The following ITGA8 variants were observed in gnomAD, a reference collection of about 807,000 sequenced individuals.
ITGA8 encodes the protein integrin alpha-8.
Under a neutral mutation model 142.3 loss-of-function variants are expected in ITGA8, and 91 were observed. That is an observed-to-expected ratio of 0.64 (90% CI 0.54 to 0.76). The LOEUF (loss-of-function observed/expected upper bound fraction) is 0.76, where lower values mean the gene tolerates loss of function less well. Among genes scored for constraint, ITGA8 ranks in the 30% least tolerant of loss-of-function variants. ITGA8 has a pLI of 0.00. For synonymous variants in ITGA8, 505 were observed against 485.2 expected (o/e 1.04, Z -0.54); for missense variants, 1,406 against 1,327.7 (o/e 1.06, Z -0.92).
At chr10:15,584,227 G>A (rs542327723) in intron 23 of ITGA8, among the ~76,000 whole-genome samples, 1 of 152,254 alleles carries the variant, frequency 6.6e-6, no homozygotes, top group Admixed American at 6.5e-5. Flanking sequence ...AACCCTGGAG[G>A]GAGAGGTTGC....
At chr10:15,584,760 T>C (rs746030266) in intron 23 of ITGA8, among the ~76,000 whole-genome samples, 20 of 152,192 alleles carry the variant, frequency 1.3e-4, no homozygotes, top group Non-Finnish European at 2.5e-4. Flanking sequence ...AAATAAATTA[T>C]GGTATATTTT....
intron 25 of ITGA8, among the ~76,000 whole-genome samples, chr10:15,559,672 G>T (rs1833941272): frequency 6.6e-6 from 1 of 152,106 alleles, no homozygotes; most frequent in Admixed American, 6.5e-5. Context: ...GTCCTTTGTA[G>T]GGACGTGGAT....
In ITGA8 at chr10:15,643,865, T is replaced by C. The variant is rs542562010; in HGVS notation, c.1399+165A>G. Among the ~76,000 whole-genome samples the C allele has an allele frequency of 2.6e-5, 4 of 152,320 alleles. No individual in the cohort carries two copies. The South Asian group carries it at 8.3e-4, about 32-fold the overall frequency. On this transcript the variant is annotated intron_variant, in intron 13 of 29. Coordinates refer to ENST00000378076, the MANE Select transcript of ITGA8 (RefSeq NM_003638.3). ...AAGCGTGTGTTTGTCTTTCTTCAAG[T>C]TCTCATGAAAGTCGCTCTGGAATCG... is the stretch of plus-strand genomic sequence containing the variant.
At chr10:15,534,453 C>T (rs1420150629) in intron 27 of ITGA8, among the ~76,000 whole-genome samples, 3 of 152,182 alleles carry the variant, frequency 2.0e-5, no homozygotes, top group Admixed American at 6.5e-5. Context: ...GAACCTAGAA[C>T]AATGTGCACA....
intron 15 of ITGA8, among the ~76,000 whole-genome samples, chr10:15,611,700 C>T (rs543391614): frequency 5.3e-5 from 8 of 151,718 alleles, no homozygotes; most frequent in South Asian, 4.2e-4. Context: ...ACCATGGTCT[C>T]GATCTCCTGA....
intron 8 of ITGA8, among the ~76,000 whole-genome samples, chr10:15,664,197 A>G (rs1834342630): frequency 6.6e-6 from 1 of 152,214 alleles, no homozygotes; most frequent in Admixed American, 6.5e-5. Context: ...TAACTTGTCC[A>G]AGGTCACAGA....
intron 20 of ITGA8, among the ~76,000 whole-genome samples, chr10:15,603,909 G>T (rs1833147237): frequency 6.6e-6 from 1 of 152,142 alleles, no homozygotes; most frequent in Non-Finnish European, 1.5e-5. Context: ...GTTAGCTTGG[G>T]AGTTTAGCTT....
chr10:15,517,032 AGGGTCCCCTCC>A lies in ITGA8; in HGVS notation c.*115_*125del. On this transcript the variant is annotated 3_prime_UTR_variant, in exon 30 of 30. Transcript: ENST00000378076. ...GCGGTGTAGATGAGGTGATGTTTCC[AGGGTCCCCTCC>A]ATTTCCTGGGTCACTGTCAGGTATC... is the stretch of plus-strand genomic sequence containing the variant. The A allele has an allele frequency of 2.0e-6, 1 of 493,418 alleles. No individual in the cohort carries two copies. The highest frequency in any genetic ancestry group is 3.3e-6 in the Non-Finnish European group (1 of 298,702). 30.6% of individuals were successfully genotyped at this position (493,418 alleles called of 1,614,324 possible). A position where few individuals can be genotyped will look rare whatever the true frequency, so the allele number is the denominator to read the frequency against.
At chr10:15,601,751 C>T (rs185429975) in intron 20 of ITGA8, among the ~76,000 whole-genome samples, 4 of 152,122 alleles carry the variant, frequency 2.6e-5, no homozygotes, top group African/African-American at 9.6e-5. Flanking sequence ...TCTAAAAAGA[C>T]GAATGTTTTC....
At chr10:15,553,791 A>G (rs1436229652) in intron 26 of ITGA8, among the ~76,000 whole-genome samples, 1 of 152,194 alleles carries the variant, frequency 6.6e-6, no homozygotes, top group Non-Finnish European at 1.5e-5. Context: ...AGCTGAGGTC[A>G]GGAGTTTGAG....
chr10:15,521,737 C>G (rs1833075328), intron 28 of ITGA8, among the ~76,000 whole-genome samples: 1 of 152,222 alleles, frequency 6.6e-6, no homozygotes, highest in African/African-American at 2.4e-5. Flanking sequence ...ACTCTGCGCA[C>G]CACTGTTTAA....
At chr10:15,686,231 T>G (rs1218786119) in intron 3 of ITGA8, among the ~76,000 whole-genome samples, 1 of 152,228 alleles carries the variant, frequency 6.6e-6, no homozygotes, top group Non-Finnish European at 1.5e-5. Flanking sequence ...TAGTCTCAAA[T>G]AAATTACCCT....
In ITGA8 at chr10:15,515,393, G is replaced by A. The variant is rs1274358176; in HGVS notation, c.*1765C>T. ...GAACTGCACCAGCGTGCTCGTCCAT[G>A]TGCCTTTCATTTGCTCCTCAATGAA... On this transcript the variant is annotated 3_prime_UTR_variant, in exon 30 of 30. Coordinates refer to ENST00000378076, the MANE Select transcript of ITGA8 (RefSeq NM_003638.3). 2.0e-5 allele frequency: 3 copies of A among 152,212 alleles called. No homozygotes were observed. The highest frequency in any genetic ancestry group is 1.3e-4 in the Admixed American group (2 of 15,284). 9.4% of individuals were successfully genotyped at this position (152,212 alleles called of 1,614,324 possible). A position where few individuals can be genotyped will look rare whatever the true frequency, so the allele number is the denominator to read the frequency against.
chr10:15,683,680 G>C (rs983382137), intron 4 of ITGA8, among the ~76,000 whole-genome samples: 1 of 152,194 alleles, frequency 6.6e-6, no homozygotes, highest in Admixed American at 6.5e-5. Flanking sequence ...AAATAAAGTG[G>C]GCAGTCAGCA....
chr10:15,605,756 C>G lies in ITGA8; in HGVS notation c.1938G>C (p.Leu646=). Reference sequence around the variant, plus strand: ...CCGACAGCTTCAAGTCAGGAACACACAGATTGTCTTCTCCACAGTCCACCA... The same window carrying G: ...CCGACAGCTTCAAGTCAGGAACACAGAGATTGTCTTCTCCACAGTCCACCA... ...HILVDCGEDN[L]CVPDLKLSAR... Residue 646 remains leucine (L), a synonymous_variant, in exon 19 of 30, where the codon CTG becomes CTC. Transcript: ENST00000378076. 1 of 1,613,548 alleles carries G rather than the reference C, an allele frequency of 6.2e-7. No homozygotes were observed. The highest frequency in any genetic ancestry group is 8.5e-7 in the Non-Finnish European group (1 of 1,179,504).
chr10:15,550,272 T>C (rs1450713123), intron 26 of ITGA8, among the ~76,000 whole-genome samples: 1 of 152,172 alleles, frequency 6.6e-6, no homozygotes, highest in Non-Finnish European at 1.5e-5. Context: ...TTTTTCTTTA[T>C]AAATAACCCA....
At chr10:15,610,890 C>T (rs576277360) in intron 15 of ITGA8, among the ~76,000 whole-genome samples, 21 of 152,136 alleles carry the variant, frequency 1.4e-4, no homozygotes, top group East Asian at 5.8e-4. Context: ...TGAAGTATTT[C>T]GCTAGTTTTT....
chr10:15,719,043 T>A, intron 1 of ITGA8, 144 bp from the exon 2 acceptor site: 1 of 1,283,404 alleles, frequency 7.8e-7, no homozygotes, highest in Non-Finnish European at 1.1e-6. Context: ...ACTGTCAAAC[T>A]TGATTTCCTC....
In ITGA8 at chr10:15,597,256, G is replaced by T. The variant is rs1323538749; in HGVS notation, c.2162C>A (p.Thr721Asn). 6.2e-7 allele frequency: 1 copy of T among 1,614,022 alleles called. No individual in the cohort carries two copies. Among genetic ancestry groups the T allele is most frequent in the African/African-American group, 1.3e-5 (1 of 74,990 alleles). ...CCCAAGGTCACACACCACCATCCTG[G>T]TTACATTTTCCATCTTGTACTCACA... ...LSCEYKMENV[T>N]RMVVCDLGNP... The change falls in exon 21 of 30, where the codon ACC (threonine) becomes AAC (asparagine). Residue 721 changes from threonine (T) to asparagine (N), a missense_variant. Thr to Asn is a moderately conservative substitution (Grantham distance 65). Transcript: ENST00000378076.
Sources: gnomAD v4.1 joint callset for allele counts (sites outside exome capture counted in the v4.1 genomes callset) on GRCh38, gnomAD v4.1.1 for gene constraint, MANE v1.5 for transcripts, NCBI Gene and HGNC (gene_info 2026-07-23, HGNC 2026-07-21) for gene names.